Variants in KCTD3 observed in about 807,000 individuals in gnomAD.
The protein encoded by KCTD3 is BTB/POZ domain-containing protein KCTD3.
In KCTD3, 41 loss-of-function variants were observed where a neutral mutation model predicts 85.8. The ratio of observed to expected loss-of-function variants is 0.48; its 90% confidence interval spans 0.37 to 0.62. KCTD3 has a LOEUF of 0.62. Ranked by LOEUF, KCTD3 falls within the 20% of genes least tolerant of loss-of-function variation. KCTD3 has a pLI of 0.00. For missense variants in KCTD3, 724 were observed against 989.9 expected (o/e 0.73, Z 3.60); for synonymous variants, 338 against 345.4 (o/e 0.98, Z 0.24).
chr1:215,607,514 T>C (rs1417915035), intron 13 of KCTD3, among the ~76,000 whole-genome samples: 2 of 151,984 alleles, frequency 1.3e-5, no homozygotes, highest in Non-Finnish European at 2.9e-5. Context: ...TAGTACAGAA[T>C]CTTAATTTTC....
chr1:215,604,313 T>A lies in KCTD3; in HGVS notation c.1309+11T>A. 6.3e-7 allele frequency: 1 copy of A among 1,599,176 alleles called. No homozygotes were observed. Among genetic ancestry groups the A allele is most frequent in the Non-Finnish European group, 8.6e-7 (1 of 1,167,212 alleles). On this transcript the variant is annotated intron_variant, in intron 13 of 17. Transcript: ENST00000259154. ...AGCATCTTGTATCAGGTAAAATGAT[T>A]TCATTATACTGGTAAGGAACTTGGC...
At chr1:215,576,716 C>T (rs535416255) in intron 4 of KCTD3, among the ~76,000 whole-genome samples, 4 of 151,894 alleles carry the variant, frequency 2.6e-5, no homozygotes, top group South Asian at 2.1e-4. Flanking sequence ...TACAGGCACC[C>T]GCCACCACAC....
intron 9 of KCTD3, among the ~76,000 whole-genome samples, chr1:215,595,066 C>T (rs1660365604): frequency 6.6e-6 from 1 of 152,130 alleles, no homozygotes; most frequent in Non-Finnish European, 1.5e-5. Flanking sequence ...TATTTTAAAT[C>T]TATCAATCAG....
rs985580163 is a variant in KCTD3, at chr1:215,567,763, G to T, written c.78G>T (p.Gly26=). ...AGATCGTCCAACTGAACGTAGGGGGGACCAGGTGAGTCGGCGGGTAGCGGG... is the reference window on the plus strand; with the variant it reads ...AGATCGTCCAACTGAACGTAGGGGGTACCAGGTGAGTCGGCGGGTAGCGGG... ...SGEIVQLNVG[G]TRFSTSRQTL... is the part of the protein sequence containing the mutation. The change falls in exon 1 of 18, where the codon GGG becomes GGT. Residue 26 remains glycine, a synonymous_variant. Coordinates refer to ENST00000259154, the MANE Select transcript of KCTD3 (RefSeq NM_016121.5). The T allele has an allele frequency of 7.2e-6, 9 of 1,244,624 alleles. No individual in the cohort carries two copies. In the South Asian group the frequency reaches 2.9e-4, roughly 40 times the overall value. The allele number at this position is 1,244,624 out of a possible 1,614,324, so 77.1% of individuals were successfully genotyped here. A position where few individuals can be genotyped will look rare whatever the true frequency, so the allele number is the denominator to read the frequency against.
At chr1:215,610,363 A>C (rs1382753439) in intron 14 of KCTD3, among the ~76,000 whole-genome samples, 1 of 151,912 alleles carries the variant, frequency 6.6e-6, no homozygotes, top group East Asian at 1.9e-4. Flanking sequence ...TCCCTCATTA[A>C]AGTTAAGAAA....
intron 15 of KCTD3, 73 bp downstream of exon 15, chr1:215,611,994 A>C: frequency 1.0e-6 from 1 of 982,462 alleles, no homozygotes; most frequent in Non-Finnish European, 1.6e-6. Context: ...GCATAATTTG[A>C]CATATTGACC....
chr1:215,616,460 G>A (rs762362576), intron 15 of KCTD3, among the ~76,000 whole-genome samples: 52 of 152,152 alleles, frequency 3.4e-4, no homozygotes, highest in Admixed American at 8.5e-4. Flanking sequence ...TTATATTGGC[G>A]AAATATTAAA....
chr1:215,600,207 A>T lies in KCTD3; in HGVS notation c.934-1660A>T, dbSNP rs187155295. On this transcript the variant is annotated intron_variant, in intron 10 of 17. Coordinates refer to ENST00000259154, the MANE Select transcript of KCTD3 (RefSeq NM_016121.5). ...GGGCATGATGATTGAGTTCTTTGAGATATTTCTTGTGTAACTCATAACTGC... is the reference window on the plus strand; with the variant it reads ...GGGCATGATGATTGAGTTCTTTGAGTTATTTCTTGTGTAACTCATAACTGC... 1.3e-3 allele frequency among the ~76,000 whole-genome samples: 197 copies of T among 152,308 alleles called. 2 individuals carry two copies. Among genetic ancestry groups the T allele is most frequent in the Admixed American group, 6.5e-3 (99 of 15,286 alleles).
At chr1:215,586,955 A>G (rs530864892) in intron 9 of KCTD3, among the ~76,000 whole-genome samples, 1 of 152,140 alleles carries the variant, frequency 6.6e-6, no homozygotes, top group South Asian at 2.1e-4. Flanking sequence ...GGATGTTTTC[A>G]CTGTTTTCTC....
intron 4 of KCTD3, 76 bp from the exon 5 acceptor site, chr1:215,577,594 G>C: frequency 1.1e-6 from 1 of 900,182 alleles, no homozygotes; most frequent in Non-Finnish European, 1.9e-6. Context: ...GAAGAACCTA[G>C]AATTTTTTCC....
intron 15 of KCTD3, 31 bp downstream of exon 15, chr1:215,611,952 C>A: frequency 1.5e-6 from 2 of 1,372,998 alleles, no homozygotes; most frequent in Non-Finnish European, 2.1e-6. Flanking sequence ...TATTTGTATT[C>A]AGAAGCCACC....
In KCTD3 at chr1:215,602,073, T is replaced by G; in HGVS notation, c.1022-12T>G. On this transcript the variant is annotated splice_polypyrimidine_tract_variant and intron_variant, in intron 11 of 17. Coordinates refer to ENST00000259154, the MANE Select transcript of KCTD3 (RefSeq NM_016121.5). ...ATTTATTTTAATGCTGTTTAAAATTTTTATGTTTTAGATATGCAGAAGTTC... is the reference window on the plus strand; with the variant it reads ...ATTTATTTTAATGCTGTTTAAAATTGTTATGTTTTAGATATGCAGAAGTTC... 9 of 1,526,534 alleles carry G rather than the reference T, an allele frequency of 5.9e-6. No individual in the cohort carries two copies. The South Asian group carries it at 1.0e-4, about 18-fold the overall frequency. The allele number at this position is 1,526,534 out of a possible 1,614,324, so 94.6% of individuals were successfully genotyped here.
At chr1:215,581,125 A>G (rs1659806401) in intron 8 of KCTD3, 1 of 298,372 alleles carries the variant, frequency 3.4e-6, no homozygotes, top group African/African-American at 2.3e-5. Flanking sequence ...GCATGCCTGT[A>G]ATCCCAGCTA....
At chr1:215,606,971 CTAAA>C (rs960014279) in intron 13 of KCTD3, among the ~76,000 whole-genome samples, 6 of 151,814 alleles carry the variant, frequency 4.0e-5, no homozygotes, top group African/African-American at 1.4e-4. Context: ...TCCCGTGAAA[CTAAA>C]TAGCCTAGAA....
In KCTD3 at chr1:215,607,969, G is replaced by A. The variant is rs79969655; in HGVS notation, c.1310-48G>A. ...ATGATAGTGAAAAAAGTTAAAATGA[G>A]TTTTTAAAAGTAATTTTGTATTCTT... On this transcript the variant is annotated intron_variant, in intron 13 of 17. Coordinates refer to ENST00000259154, the MANE Select transcript of KCTD3 (RefSeq NM_016121.5). 5.2e-4 allele frequency: 794 copies of A among 1,519,804 alleles called. 3 individuals carry two copies. In the African/African-American group the frequency reaches 0.01, roughly 20 times the overall value. 94.1% of individuals were successfully genotyped at this position (1,519,804 alleles called of 1,614,324 possible). A position where few individuals can be genotyped will look rare whatever the true frequency, so the allele number is the denominator to read the frequency against.
chr1:215,577,310 A>AT (rs1319638380), intron 4 of KCTD3, among the ~76,000 whole-genome samples: 1 of 152,088 alleles, frequency 6.6e-6, no homozygotes, highest in African/African-American at 2.4e-5. Flanking sequence ...AATAATTGCG[A>AT]TAAAAAGTTA....
chr1:215,599,846 T>C (rs1467345522), intron 10 of KCTD3, among the ~76,000 whole-genome samples: 2 of 151,598 alleles, frequency 1.3e-5, no homozygotes, highest in East Asian at 3.9e-4. Flanking sequence ...TAAAAATGTT[T>C]GCCTTTGTGC....
In KCTD3 at chr1:215,577,199, T is replaced by C. The variant is rs546320795; in HGVS notation, c.258-471T>C. On this transcript the variant is annotated intron_variant, in intron 4 of 17. Transcript: ENST00000259154. ...TTACATAACTATTTTATACAAGCACTATGCTAGGCACTGTGAGGTATACAA... is the reference window on the plus strand; with the variant it reads ...TTACATAACTATTTTATACAAGCACCATGCTAGGCACTGTGAGGTATACAA... Among the ~76,000 whole-genome samples, 7 of 152,088 alleles carry C rather than the reference T, an allele frequency of 4.6e-5. No individual in the cohort carries two copies. In the East Asian group the frequency reaches 9.7e-4, roughly 21 times the overall value.
At position 215,579,080 on chromosome 1, in the gene KCTD3, C is replaced by A; in HGVS notation, c.478C>A (p.Arg160=). The part of the protein sequence containing the change: ...NGLNSTEGEA[R]GNGTQPVLSG... ...TCTAAATTCTACAGAAGGTGAAGCCCGGGGAAATGGTACACAGCCTGTTCT... is the reference window on the plus strand; with the variant it reads ...TCTAAATTCTACAGAAGGTGAAGCCAGGGGAAATGGTACACAGCCTGTTCT... Residue 160 remains arginine (R), a synonymous_variant, in exon 7 of 18, where the codon CGG becomes AGG. Coordinates refer to ENST00000259154, the MANE Select transcript of KCTD3 (RefSeq NM_016121.5). The A allele has an allele frequency of 6.3e-7, 1 of 1,598,388 alleles. No homozygotes were observed. Among genetic ancestry groups the A allele is most frequent in the Non-Finnish European group, 8.5e-7 (1 of 1,175,024 alleles).
Sources: allele counts gnomAD v4.1 joint callset (sites outside exome capture counted in the v4.1 genomes callset), GRCh38; gene constraint gnomAD v4.1.1; transcripts MANE v1.5; gene names NCBI Gene and HGNC (gene_info 2026-07-23, HGNC 2026-07-21).